The following TMEM114 variants were observed in gnomAD, a reference collection of about 807,000 sequenced individuals.
The protein encoded by TMEM114 is transmembrane protein 114, also known as claudin-26.
In TMEM114, 6 loss-of-function variants were observed where a neutral mutation model predicts 6.2. The observed-to-expected ratio is 0.97, with a 90% CI of 0.53 to 1.91. The LOEUF is 1.91. TMEM114 is among the 40% of genes most tolerant of loss of function. TMEM114 has a pLI of 0.01. For missense variants in TMEM114, 218 were observed against 158.3 expected, an observed-to-expected ratio of 1.38 and a Z score of -2.02; for synonymous variants, 104 against 73.0, an observed-to-expected ratio of 1.42 and a Z score of -2.16.
intron 2 of TMEM114, among the ~76,000 whole-genome samples, chr16:8,562,508 G>A (rs1257475481): frequency 1.3e-5 from 2 of 151,052 alleles, no homozygotes; most frequent in Non-Finnish European, 3.0e-5. Flanking sequence ...GAGTAAATGA[G>A]TGACTGAATG....
downstream of TMEM114, among the ~76,000 whole-genome samples, chr16:8,537,188 G>A (rs112898262): frequency 3.5e-3 from 535 of 151,980 alleles, 3 homozygotes; most frequent in African/African-American, 0.012. Context: ...CTGGGCAGCA[G>A]AGTGAGATCC....
chr16:8,559,635 T>A (rs1232318658), intron 2 of TMEM114, among the ~76,000 whole-genome samples: 1 of 152,218 alleles, frequency 6.6e-6, no homozygotes, highest in Non-Finnish European at 1.5e-5. Context: ...CTCTGAGTAC[T>A]CTGTTAAAAG....
chr16:8,574,440 G>T (rs1466594423), intron 2 of TMEM114, among the ~76,000 whole-genome samples: 1 of 152,134 alleles, frequency 6.6e-6, no homozygotes, highest in Non-Finnish European at 1.5e-5. Flanking sequence ...TTTGCCTTCA[G>T]TCCCTCAATT....
chr16:8,573,746 T>C (rs1168282005), intron 2 of TMEM114, among the ~76,000 whole-genome samples: 1 of 152,188 alleles, frequency 6.6e-6, no homozygotes, highest in Non-Finnish European at 1.5e-5. Flanking sequence ...TTCCTTACAC[T>C]GCATTCACCA....
chr16:8,557,631 T>A (rs1194569478), intron 2 of TMEM114, among the ~76,000 whole-genome samples: 1 of 152,214 alleles, frequency 6.6e-6, no homozygotes, highest in African/African-American at 2.4e-5. Flanking sequence ...AGAACACAGG[T>A]GCTGGTCAGC....
chr16:8,531,505 G>A, the TMEM114 span, among the ~76,000 whole-genome samples: 11 of 152,216 alleles, frequency 7.2e-5, no homozygotes, highest in Non-Finnish European at 4.4e-5. Context: ...TCTTCAAGGA[G>A]TGGGCACTGA....
downstream of TMEM114, among the ~76,000 whole-genome samples, chr16:8,567,051 T>G (rs963125395): frequency 1.4e-5 from 2 of 143,928 alleles, no homozygotes; most frequent in Non-Finnish European, 3.0e-5. Flanking sequence ...CAGGCGCGTG[T>G]TACCACAGCT....
At chr16:8,567,786 G>T (rs1212554024), downstream of TMEM114, among the ~76,000 whole-genome samples, 1 of 152,200 alleles carries the variant, frequency 6.6e-6, no homozygotes, top group Non-Finnish European at 1.5e-5. Context: ...ATCAAATCCT[G>T]CCTCTGGAGC....
At chr16:8,548,385 G>A (rs1262470904) in intron 2 of TMEM114, among the ~76,000 whole-genome samples, 1 of 152,148 alleles carries the variant, frequency 6.6e-6, no homozygotes, top group Non-Finnish European at 1.5e-5. Context: ...GCTTCCTACA[G>A]TCAAGGTCAA....
chr16:8,562,049 T>A (rs1901239965), intron 2 of TMEM114, among the ~76,000 whole-genome samples: 1 of 150,482 alleles, frequency 6.6e-6, no homozygotes. Context: ...AATGAGTGAG[T>A]GAGTGAATGA....
chr16:8,566,169 G>C (rs894290237), downstream of TMEM114, among the ~76,000 whole-genome samples: 1 of 152,158 alleles, frequency 6.6e-6, no homozygotes, highest in Admixed American at 6.5e-5. Flanking sequence ...AGGAGATCGA[G>C]ACCATCCTGG....
At chr16:8,583,077 C>A (rs550595927) in intron 2 of TMEM114, among the ~76,000 whole-genome samples, 30 of 152,156 alleles carry the variant, frequency 2.0e-4, no homozygotes, top group Non-Finnish European at 4.0e-4. Flanking sequence ...GCCTCATCTG[C>A]AAAGTGAGGA....
At chr16:8,543,491 C>G (rs1408488647) in intron 2 of TMEM114, among the ~76,000 whole-genome samples, 1 of 150,966 alleles carries the variant, frequency 6.6e-6, no homozygotes, top group African/African-American at 2.5e-5. Context: ...GCACCTTGCA[C>G]CATGCTTCAT....
intron 2 of TMEM114, among the ~76,000 whole-genome samples, chr16:8,538,121 T>A (rs10852704): frequency 0.75 from 96,104 of 128,952 alleles, 35,851 homozygotes; most frequent in African/African-American, 0.79. Context: ...CAGCATGGTG[T>A]GACTGTCTCT....
chr16:8,571,739 T>C (rs1901741008), intron 3 of TMEM114, among the ~76,000 whole-genome samples: 1 of 152,162 alleles, frequency 6.6e-6, no homozygotes, highest in Non-Finnish European at 1.5e-5. Context: ...GAATGGCTGA[T>C]CAGCAGAATA....
At chr16:8,579,045 A>T (rs1397376043) in intron 2 of TMEM114, among the ~76,000 whole-genome samples, 1 of 152,228 alleles carries the variant, frequency 6.6e-6, no homozygotes, top group East Asian at 1.9e-4. Flanking sequence ...TGTGTGCCCC[A>T]GTGCAGAGAT....
intron 2 of TMEM114, among the ~76,000 whole-genome samples, chr16:8,580,059 C>T (rs1034130291): frequency 6.6e-6 from 1 of 152,164 alleles, no homozygotes; most frequent in Admixed American, 6.5e-5. Context: ...AGTAGCAATA[C>T]CTCAGCTCTT....
At chr16:8,586,851 C>A (rs17879911) in intron 2 of TMEM114, among the ~76,000 whole-genome samples, 70,484 of 151,902 alleles carry the variant, frequency 0.46, 16,883 homozygotes, top group Middle Eastern at 0.53. Flanking sequence ...AAGACACTCA[C>A]AGTTTCCCCT....
intron 2 of TMEM114, among the ~76,000 whole-genome samples, chr16:8,554,417 T>C (rs1900943245): frequency 6.6e-6 from 1 of 151,942 alleles, no homozygotes; most frequent in South Asian, 2.1e-4. Flanking sequence ...ATAATAATAA[T>C]AATAAAAATG....
Sources: allele counts gnomAD v4.1 joint callset (sites outside exome capture counted in the v4.1 genomes callset), GRCh38; gene constraint gnomAD v4.1.1; transcripts MANE v1.5; gene names NCBI Gene and HGNC (gene_info 2026-07-23, HGNC 2026-07-21).